GNAT3: variants seen among roughly 807,000 people sequenced by gnomAD.
The protein encoded by GNAT3 is guanine nucleotide-binding protein G(t) subunit alpha-3.
Under a neutral mutation model 37.7 loss-of-function variants are expected in GNAT3, and 31 were observed. That is an observed-to-expected ratio of 0.82 (90% CI 0.62 to 1.11). GNAT3 has a LOEUF of 1.11. GNAT3 is among the 50% of genes most tolerant of loss of function. The probability of loss-of-function intolerance (pLI) is 0.00; values close to 1 mark genes in which losing one functional copy is unlikely to be tolerated. For missense variants in GNAT3, 437 were observed against 412.5 expected (o/e 1.06, Z -0.51); for synonymous variants, 138 against 139.8 (o/e 0.99, Z 0.09).
rs1562732584 is a variant in GNAT3, at chr7:80,497,553, TATATAC to T, written c.119-2912_119-2907del. On this transcript the variant is annotated intron_variant, in intron 1 of 7. Coordinates refer to ENST00000398291, the MANE Select transcript of GNAT3 (RefSeq NM_001102386.3). ...CTCTCTATATATATACACATATACG[TATATAC>T]ATATACGTATATACATATACGTATA... Among the ~76,000 whole-genome samples the T allele has an allele frequency of 1.0e-2, 1,407 of 141,326 alleles. 41 individuals carry two copies. Among genetic ancestry groups the T allele is most frequent in the Non-Finnish European group, 0.013 (832 of 63,292 alleles). The allele number at this position is 141,326 out of a possible 152,430, so 92.7% of individuals were successfully genotyped here.
chr7:80,491,757 G>A (rs958961274), intron 2 of GNAT3, among the ~76,000 whole-genome samples: 30 of 152,072 alleles, frequency 2.0e-4, no homozygotes, highest in Admixed American at 6.6e-5. Flanking sequence ...AGAGGCAAAA[G>A]TGTGATGAAA....
chr7:80,480,205 C>A (rs998895089), intron 3 of GNAT3, among the ~76,000 whole-genome samples: 3 of 152,068 alleles, frequency 2.0e-5, no homozygotes, highest in African/African-American at 7.2e-5. Context: ...AAACTGATAT[C>A]TTTTTTAGCT....
In GNAT3 at chr7:80,463,514, A is replaced by G. The variant is rs1562719201; in HGVS notation, c.591-883T>C. 1.3e-5 allele frequency among the ~76,000 whole-genome samples: 2 copies of G among 152,110 alleles called. 1 individual carries two copies. Among genetic ancestry groups the G allele is most frequent in the South Asian group, 4.1e-4 (2 of 4,824 alleles). On this transcript the variant is annotated intron_variant, in intron 5 of 7. Transcript: ENST00000398291. ...CTTTTTTTCTCAACTATGAAGTCTT[A>G]GCATCAATATCTCCTCCATAAAGAA... is the stretch of plus-strand genomic sequence containing the variant.
At chr7:80,487,721 C>A (rs1312943339) in intron 3 of GNAT3, 1 of 152,110 alleles carries the variant, frequency 6.6e-6, no homozygotes, top group East Asian at 1.9e-4. Context: ...AGGCATTCAA[C>A]TGGCATCCTC....
chr7:80,511,900 G>T lies in GNAT3; in HGVS notation c.27C>A (p.Ser9Arg). The change falls in exon 1 of 8, where the codon AGC (serine) becomes AGA (arginine). Residue 9 changes from serine to arginine, a missense_variant. Ser to Arg is a moderately radical substitution (Grantham distance 110). Coordinates refer to ENST00000398291, the MANE Select transcript of GNAT3 (RefSeq NM_001102386.3). The stretch of plus-strand genomic sequence containing the variant: ...CTTTTGATCTTTTGGCTGACTCCTT[G>T]CTCTCTGAACTAATTCCACTTCCCA... MGSGISSE[S>R]KESAKRSKEL... is the part of the protein sequence containing the mutation. The T allele has an allele frequency of 6.2e-7, 1 of 1,611,140 alleles. No homozygotes were observed. Among genetic ancestry groups the T allele is most frequent in the Non-Finnish European group, 8.5e-7 (1 of 1,178,178 alleles).
At chr7:80,507,214 T>A (rs1323228877) in intron 1 of GNAT3, among the ~76,000 whole-genome samples, 1 of 151,954 alleles carries the variant, frequency 6.6e-6, no homozygotes, top group Non-Finnish European at 1.5e-5. Flanking sequence ...TATGTTGGTG[T>A]AATAAAATTT....
intron 1 of GNAT3, among the ~76,000 whole-genome samples, chr7:80,495,435 A>G (rs1481454325): frequency 2.7e-5 from 4 of 150,520 alleles, no homozygotes; most frequent in African/African-American, 7.3e-5. Flanking sequence ...ACCTGGTGTA[A>G]GGTGGTCTCT....
intron 2 of GNAT3, among the ~76,000 whole-genome samples, chr7:80,494,196 A>G (rs927815700): frequency 6.6e-6 from 1 of 152,200 alleles, no homozygotes. Flanking sequence ...ACAATTCATG[A>G]TAGTAATTAA....
intron 3 of GNAT3, chr7:80,486,341 T>C (rs1038675681): frequency 6.6e-5 from 10 of 152,114 alleles, no homozygotes; most frequent in Admixed American, 2.6e-4. Context: ...GAATGAACTG[T>C]ACTTTTATTT....
intron 1 of GNAT3, among the ~76,000 whole-genome samples, chr7:80,510,243 T>G (rs1253658790): frequency 1.3e-5 from 2 of 152,186 alleles, no homozygotes. Flanking sequence ...CAAGAGTCAT[T>G]GCTTTTGGCA....
chr7:80,493,778 TCCTCC>T lies in GNAT3; in HGVS notation c.161+822_161+826del, dbSNP rs1790654778. On this transcript the variant is annotated intron_variant, in intron 2 of 7. Transcript: ENST00000398291. ...CCTCTTTCCTCCTCCACCTCTTTCCTCCTCCACCTCTTTCCTCCTCCTCCTCTTTC... is the reference window on the plus strand; with the variant it reads ...CCTCTTTCCTCCTCCACCTCTTTCCTACCTCTTTCCTCCTCCTCCTCTTTC... Among the ~76,000 whole-genome samples, 2 of 114,690 alleles carry T rather than the reference TCCTCC, an allele frequency of 1.7e-5. 1 individual carries two copies. The highest frequency in any genetic ancestry group is 4.0e-5 in the Non-Finnish European group (2 of 50,176). 75.2% of individuals were successfully genotyped at this position (114,690 alleles called of 152,430 possible). A position where few individuals can be genotyped will look rare whatever the true frequency, so the allele number is the denominator to read the frequency against.
chr7:80,490,833 G>C (rs1380192610), intron 2 of GNAT3, among the ~76,000 whole-genome samples: 3 of 152,154 alleles, frequency 2.0e-5, no homozygotes, highest in African/African-American at 7.2e-5. Flanking sequence ...CTGATGTACA[G>C]TCCATGATCT....
chr7:80,474,343 C>A lies in GNAT3; in HGVS notation c.498G>T (p.Gly166=), dbSNP rs937684471. ...LNDLDRITAS[G]YVPNEQDVLH... ...GAACATCTTGTTCATTTGGCACATA[C>A]CCAGATGCTGTTATTCTATCTAAAT... is the stretch of plus-strand genomic sequence containing the variant. Residue 166 remains glycine, a synonymous_variant, in exon 5 of 8, where the codon GGG becomes GGT. Transcript: ENST00000398291. 3 of 1,552,788 alleles carry A rather than the reference C, an allele frequency of 1.9e-6. No homozygotes were observed. Among genetic ancestry groups the A allele is most frequent in the African/African-American group, 2.7e-5 (2 of 73,532 alleles).
At chr7:80,479,369 ATCT>A (rs570938078) in intron 3 of GNAT3, among the ~76,000 whole-genome samples, 30 of 152,226 alleles carry the variant, frequency 2.0e-4, no homozygotes, top group South Asian at 8.3e-4. Flanking sequence ...TTAATCTGGT[ATCT>A]TCTTCTTTTT....
At chr7:80,469,456 T>C (rs2116152047) in intron 5 of GNAT3, among the ~76,000 whole-genome samples, 1 of 152,272 alleles carries the variant, frequency 6.6e-6, no homozygotes. Flanking sequence ...CATTTTCCAC[T>C]TACATAGTAC....
At chr7:80,466,020 C>T (rs907347969) in intron 5 of GNAT3, among the ~76,000 whole-genome samples, 9 of 152,096 alleles carry the variant, frequency 5.9e-5, no homozygotes, top group Non-Finnish European at 1.3e-4. Flanking sequence ...TTTCTAACCC[C>T]ACCCACGGGG....
intron 3 of GNAT3, among the ~76,000 whole-genome samples, chr7:80,482,722 G>A (rs1371468776): frequency 2.8e-5 from 4 of 142,614 alleles, no homozygotes; most frequent in Non-Finnish European, 4.5e-5. Flanking sequence ...TAGTAGGGTC[G>A]AGGTTTCACC....
intron 5 of GNAT3, among the ~76,000 whole-genome samples, chr7:80,469,703 C>A (rs1293520947): frequency 6.6e-6 from 1 of 151,994 alleles, no homozygotes; most frequent in Non-Finnish European, 1.5e-5. Flanking sequence ...TATGTGAATA[C>A]AAATCAATGC....
intron 3 of GNAT3, among the ~76,000 whole-genome samples, chr7:80,485,805 A>G (rs1327410939): frequency 2.0e-5 from 3 of 152,206 alleles, no homozygotes; most frequent in African/African-American, 4.8e-5. Context: ...TACTCTGTAT[A>G]TAGTGGATTT....
Sources: gnomAD v4.1 joint callset for allele counts (sites outside exome capture counted in the v4.1 genomes callset) on GRCh38, gnomAD v4.1.1 for gene constraint, MANE v1.5 for transcripts, NCBI Gene and HGNC (gene_info 2026-07-23, HGNC 2026-07-21) for gene names.